ANK2: variants seen among roughly 807,000 people sequenced by gnomAD.
The protein encoded by ANK2 is ankyrin 2, also known as ankyrin-2.
In ANK2, 83 loss-of-function variants were observed where a neutral mutation model predicts 360.5. That is an observed-to-expected ratio of 0.23 (90% CI 0.19 to 0.28). The LOEUF (loss-of-function observed/expected upper bound fraction) is 0.28. ANK2 is among the 10% of genes least tolerant of loss of function. The probability of loss-of-function intolerance (pLI) is 1.00; values close to 1 mark genes in which losing one functional copy is unlikely to be tolerated. For synonymous variants in ANK2, 1,740 were observed against 1,759.5 expected (o/e 0.99, Z 0.28); for missense variants, 4,201 against 4,795.7 (o/e 0.88, Z 3.66).
At chr4:112,994,774 G>A (rs1292893302) in intron 2 of ANK2, among the ~76,000 whole-genome samples, 1 of 152,114 alleles carries the variant, frequency 6.6e-6, no homozygotes, top group African/African-American at 2.4e-5. Context: ...CTCTGCCCCA[G>A]TAGTCCTCAG....
At position 113,359,013 on chromosome 4, in the gene ANK2, G is replaced by A. The variant is rs147423696; in HGVS notation, c.10395G>A (p.Glu3465=). The A allele has an allele frequency of 4.2e-3, 6,747 of 1,614,104 alleles. 28 individuals are homozygous for A. Among genetic ancestry groups the A allele is most frequent in the Non-Finnish European group, 5.5e-3 (6,530 of 1,179,974 alleles). The change falls in exon 38 of 46, where the codon GAG becomes GAA. Residue 3465 remains glutamate, a synonymous_variant. Transcript: ENST00000357077. ...CGAGCCCCACAAAAGAAAGTAAGGA[G>A]CATTTCTTTGACCTTTACAGAAATT... ...GGTSPTKESK[E]HFFDLYRNSI...
At chr4:113,108,820 T>C (rs1213217033) in intron 1 of ANK2, among the ~76,000 whole-genome samples, 4 of 152,186 alleles carry the variant, frequency 2.6e-5, no homozygotes, top group Non-Finnish European at 4.4e-5. Flanking sequence ...ACCTGAACCA[T>C]CAAGTTTGGT....
intron 1 of ANK2, among the ~76,000 whole-genome samples, chr4:113,078,520 AT>A (rs973482506): frequency 1.3e-5 from 2 of 152,110 alleles, no homozygotes; most frequent in African/African-American, 4.8e-5. Flanking sequence ...ACAGATTATG[AT>A]TTTTTTCCAA....
intron 37 of ANK2, 198 bp downstream of exon 37, chr4:113,350,447 G>T (rs1343141408): frequency 6.0e-6 from 3 of 496,082 alleles, no homozygotes; most frequent in Non-Finnish European, 1.1e-5. Context: ...GAGCTAATTA[G>T]CAGTAAAATG....
intron 1 of ANK2, among the ~76,000 whole-genome samples, chr4:113,094,600 C>T (rs2090181739): frequency 2.6e-5 from 4 of 151,956 alleles, no homozygotes. Flanking sequence ...CAGTTATCTT[C>T]TTGTTAGCAG....
At chr4:113,206,021 A>G (rs2098942385) in intron 4 of ANK2, among the ~76,000 whole-genome samples, 1 of 152,146 alleles carries the variant, frequency 6.6e-6, no homozygotes, top group Non-Finnish European at 1.5e-5. Context: ...TTTTTTAAAC[A>G]GGTTTTATTT....
chr4:112,926,521 G>T (rs896448014), intron 2 of ANK2, among the ~76,000 whole-genome samples: 1 of 152,134 alleles, frequency 6.6e-6, no homozygotes, highest in Admixed American at 6.6e-5. Context: ...AGAAATCACT[G>T]GGTGTCTGTT....
chr4:112,969,074 A>G lies in ANK2; in HGVS notation c.21+64560A>G, dbSNP rs112506879. The stretch of plus-strand genomic sequence containing the variant: ...TCCTCAACATAATTTTGCAAGGTAG[A>G]TGTTATTACCTATATTCTACTGATG... On this transcript the variant is annotated intron_variant, in intron 2 of 30. Transcript: ENST00000503271. 6.1e-3 allele frequency among the ~76,000 whole-genome samples: 931 copies of G among 152,312 alleles called. 7 individuals carry two copies. Among genetic ancestry groups the G allele is most frequent in the African/African-American group, 0.02 (844 of 41,566 alleles).
chr4:112,999,697 A>G (rs574541179), intron 2 of ANK2, among the ~76,000 whole-genome samples: 107 of 151,554 alleles, frequency 7.1e-4, no homozygotes, highest in Non-Finnish European at 8.7e-4. Context: ...AAAGAGGCCC[A>G]TATTCTCCAT....
chr4:113,246,702 C>T (rs903695535), intron 9 of ANK2, among the ~76,000 whole-genome samples: 1 of 152,100 alleles, frequency 6.6e-6, no homozygotes, highest in African/African-American at 2.4e-5. Context: ...AAAGGAATCA[C>T]CCTTCTTACT....
At chr4:112,786,228 G>GCTTTTT in the ANK2 span, among the ~76,000 whole-genome samples, 1 of 147,504 alleles carries the variant, frequency 6.8e-6, no homozygotes, top group Admixed American at 6.8e-5. Context: ...CTGCTGACAG[G>GCTTTTT]TTTGATGAAA....
rs72908871 is a variant in ANK2 at position 112,856,952 on chromosome 4, G to C, written c.-40+38688G>C. On this transcript the variant is annotated intron_variant, in intron 1 of 30. Transcript: ENST00000503271. ...CTGAGGAGACATCAAGGGTCAGGGGGTTGTTGCCAAAACAACTTAACAGGA... is the reference window on the plus strand; with the variant it reads ...CTGAGGAGACATCAAGGGTCAGGGGCTTGTTGCCAAAACAACTTAACAGGA... Among the ~76,000 whole-genome samples, 576 of 152,296 alleles carry C rather than the reference G, an allele frequency of 3.8e-3. 6 individuals carry two copies. Among genetic ancestry groups the C allele is most frequent in the African/African-American group, 0.013 (549 of 41,574 alleles).
At chr4:113,242,662 C>T (rs531863988) in intron 9 of ANK2, among the ~76,000 whole-genome samples, 1 of 152,296 alleles carries the variant, frequency 6.6e-6, no homozygotes, top group South Asian at 2.1e-4. Flanking sequence ...CTATGCTATA[C>T]TGACCTGAGC....
chr4:113,155,771 TA>T (rs749300024), intron 1 of ANK2, among the ~76,000 whole-genome samples: 2 of 152,068 alleles, frequency 1.3e-5, no homozygotes, highest in Non-Finnish European at 2.9e-5. Context: ...TATATAATAT[TA>T]AAAAATACTT....
chr4:112,956,838 T>C (rs369604363), intron 2 of ANK2, among the ~76,000 whole-genome samples: 4 of 152,068 alleles, frequency 2.6e-5, no homozygotes, highest in African/African-American at 7.2e-5. Flanking sequence ...AAACTGAAAC[T>C]GAATGAAGAG....
chr4:112,951,451 G>A (rs1293310977), intron 2 of ANK2, among the ~76,000 whole-genome samples: 1 of 152,168 alleles, frequency 6.6e-6, no homozygotes, highest in Non-Finnish European at 1.5e-5. Flanking sequence ...CTTTTCCAGT[G>A]TTATTTAATG....
chr4:112,976,230 G>A (rs1243408257), intron 2 of ANK2, among the ~76,000 whole-genome samples: 1 of 149,978 alleles, frequency 6.7e-6, no homozygotes, highest in Non-Finnish European at 1.5e-5. Context: ...ATCTGAGTCT[G>A]TCATCCAGGC....
At chr4:113,118,602 A>C (rs1455585580) in intron 1 of ANK2, among the ~76,000 whole-genome samples, 1 of 152,184 alleles carries the variant, frequency 6.6e-6, no homozygotes, top group African/African-American at 2.4e-5. Context: ...TAAAATTAGC[A>C]GTATATAATG....
intron 1 of ANK2, among the ~76,000 whole-genome samples, chr4:112,821,816 G>A (rs28707176): frequency 6.6e-6 from 1 of 150,590 alleles, no homozygotes; most frequent in African/African-American, 2.4e-5. Context: ...ACCCAGGCTG[G>A]AGTACATTCG....
Sources: gnomAD v4.1 joint callset for allele counts (sites outside exome capture counted in the v4.1 genomes callset) on GRCh38, gnomAD v4.1.1 for gene constraint, MANE v1.5 for transcripts, NCBI Gene and HGNC (gene_info 2026-07-23, HGNC 2026-07-21) for gene names.